The following ITPR2 variants were observed in gnomAD, a reference collection of about 807,000 sequenced individuals.
ITPR2 encodes inositol 1,4,5-trisphosphate receptor type 2.
A neutral mutation model predicts 317.1 loss-of-function variants in ITPR2; 207 were observed. The ratio of observed to expected loss-of-function variants is 0.65; its 90% CI spans 0.58 to 0.73. The LOEUF (loss-of-function observed/expected upper bound fraction) is 0.73. Among genes scored for constraint, ITPR2 ranks in the 30% least tolerant of loss-of-function variants. The probability of loss-of-function intolerance (pLI) is 0.00; values close to 1 mark genes in which losing one functional copy is unlikely to be tolerated. For missense variants in ITPR2, 2,613 were observed against 3,284.0 expected (o/e 0.80, Z 4.99); for synonymous variants, 1,156 against 1,149.1 (o/e 1.01, Z -0.12).
intron 2 of ITPR2, among the ~76,000 whole-genome samples, chr12:26,786,449 T>TTAAAAAAAAAAAAA (rs60115178): frequency 8.4e-6 from 1 of 119,242 alleles, no homozygotes; most frequent in African/African-American, 3.7e-5. Flanking sequence ...GAATGATCAA[T>TTAAAAAAAAAAAAA]AAAAAAAAAA....
At chr12:26,420,699 T>C (rs2136688459) in intron 49 of ITPR2, among the ~76,000 whole-genome samples, 1 of 152,288 alleles carries the variant, frequency 6.6e-6, no homozygotes, top group Middle Eastern at 3.4e-3. Context: ...TATTATTAAG[T>C]ATAGCTGTAG....
chr12:26,785,699 A>G (rs1592130263), intron 2 of ITPR2, among the ~76,000 whole-genome samples: 1 of 24,084 alleles, frequency 4.2e-5, no homozygotes, highest in African/African-American at 1.2e-4. Context: ...TCCGGGAGGG[A>G]GGTGGGGGGA....
Position 26,722,534 on chromosome 12 carries a change from T to A in ITPR2, c.388A>T (p.Lys130Ter), listed in dbSNP as rs1948855386. The change falls in exon 5 of 57, where the codon AAA (lysine) becomes TAA (stop). Residue 130 changes from lysine to a stop codon, truncating the protein, a stop_gained. Coordinates refer to ENST00000381340, the MANE Select transcript of ITPR2 (RefSeq NM_002223.4). LOFTEE classifies it high-confidence loss of function. ...AATCTCTTGTTGACAGTAAGATATT[T>A]GTTGCTTTTTATATGCAGTAGCTAT... ...VIQLLHIKSN[K>*]YLTVNKRLPA... The A allele has an allele frequency of 5.0e-6, 8 of 1,612,564 alleles. No homozygotes were observed. The highest frequency in any genetic ancestry group is 6.8e-6 in the Non-Finnish European group (8 of 1,179,008).
intron 36 of ITPR2, among the ~76,000 whole-genome samples, chr12:26,552,314 G>C (rs561935617): frequency 9.9e-5 from 15 of 152,186 alleles, no homozygotes; most frequent in Admixed American, 9.8e-4. Context: ...TCAGCCTCCT[G>C]AGTAGCTGGG....
At chr12:26,438,822 A>G (rs1168813881) in intron 47 of ITPR2, among the ~76,000 whole-genome samples, 2 of 152,192 alleles carry the variant, frequency 1.3e-5, no homozygotes, top group Non-Finnish European at 2.9e-5. Flanking sequence ...CGGACTTCAA[A>G]CCTGTGGCTG....
At chr12:26,432,064 G>C (rs1941225437) in intron 48 of ITPR2, among the ~76,000 whole-genome samples, 1 of 151,904 alleles carries the variant, frequency 6.6e-6, no homozygotes, top group Non-Finnish European at 1.5e-5. Context: ...CCTTTACCTA[G>C]ATTCCCCAAA....
At chr12:26,718,408 C>T (rs1396907056) in intron 5 of ITPR2, among the ~76,000 whole-genome samples, 1 of 151,952 alleles carries the variant, frequency 6.6e-6, no homozygotes, top group Non-Finnish European at 1.5e-5. Flanking sequence ...TTTGGTTGCA[C>T]CTACATTCGC....
At chr12:26,817,285 G>A (rs535856461) in intron 1 of ITPR2, among the ~76,000 whole-genome samples, 2 of 151,968 alleles carry the variant, frequency 1.3e-5, no homozygotes, top group African/African-American at 4.8e-5. Flanking sequence ...TGAAAAGCCT[G>A]CGATAATGCT....
chr12:26,533,313 A>T (rs1356256412), intron 37 of ITPR2, among the ~76,000 whole-genome samples: 3 of 152,220 alleles, frequency 2.0e-5, no homozygotes, highest in Non-Finnish European at 1.5e-5. Flanking sequence ...AAACAAGAGA[A>T]AAACCTCTTT....
chr12:26,495,369 A>G (rs1220136326), intron 37 of ITPR2, 109 bp from the exon 38 acceptor site: 1 of 585,338 alleles, frequency 1.7e-6, no homozygotes. Flanking sequence ...TGAGGCATGG[A>G]AAAATTAACT....
chr12:26,810,310 T>A (rs549716887), intron 1 of ITPR2, among the ~76,000 whole-genome samples: 2 of 152,312 alleles, frequency 1.3e-5, no homozygotes, highest in East Asian at 3.9e-4. Context: ...TTTCATAGTG[T>A]CCTATATTTC....
At chr12:26,571,072 T>C (rs1591914742) in intron 34 of ITPR2, among the ~76,000 whole-genome samples, 1 of 152,208 alleles carries the variant, frequency 6.6e-6, no homozygotes, top group African/African-American at 2.4e-5. Context: ...AGCTTGTATC[T>C]TCTTATCAAT....
intron 46 of ITPR2, among the ~76,000 whole-genome samples, chr12:26,440,251 G>A (rs1176824447): frequency 2.0e-5 from 3 of 152,128 alleles, no homozygotes; most frequent in East Asian, 1.9e-4. Flanking sequence ...CCAAATACAC[G>A]AAAACAAAAG....
At chr12:26,490,198 G>A (rs569313094) in intron 39 of ITPR2, among the ~76,000 whole-genome samples, 25 of 152,294 alleles carry the variant, frequency 1.6e-4, no homozygotes, top group African/African-American at 6.0e-4. Flanking sequence ...AATTCAATTG[G>A]AGAGGCAGGG....
intron 2 of ITPR2, among the ~76,000 whole-genome samples, chr12:26,727,488 A>G (rs1592075047): frequency 6.6e-6 from 1 of 152,340 alleles, no homozygotes; most frequent in East Asian, 1.9e-4. Context: ...TCAATTGGAA[A>G]TGATCCTTTA....
At chr12:26,428,542 T>G (rs578035177) in intron 48 of ITPR2, among the ~76,000 whole-genome samples, 1 of 152,272 alleles carries the variant, frequency 6.6e-6, no homozygotes, top group South Asian at 2.1e-4. Context: ...AAGAATCTAG[T>G]AGAATAACCT....
intron 21 of ITPR2, among the ~76,000 whole-genome samples, chr12:26,650,746 GCA>G (rs981495698): frequency 1.3e-5 from 2 of 152,180 alleles, no homozygotes; most frequent in Non-Finnish European, 2.9e-5. Flanking sequence ...AGCATAACAA[GCA>G]GCTTTAGTAT....
intron 2 of ITPR2, among the ~76,000 whole-genome samples, chr12:26,756,329 G>C (rs970246987): frequency 2.6e-5 from 4 of 152,130 alleles, no homozygotes; most frequent in Non-Finnish European, 5.9e-5. Context: ...AAACAAAATG[G>C]ATGGGTAATG....
intron 2 of ITPR2, among the ~76,000 whole-genome samples, chr12:26,752,843 T>C (rs1208631780): frequency 2.0e-5 from 3 of 152,108 alleles, no homozygotes; most frequent in Non-Finnish European, 4.4e-5. Context: ...ACCCAAAAGC[T>C]AACTTTAGGG....
Sources: allele counts gnomAD v4.1 joint callset (sites outside exome capture counted in the v4.1 genomes callset), GRCh38; gene constraint gnomAD v4.1.1; transcripts MANE v1.5; gene names NCBI Gene and HGNC (gene_info 2026-07-23, HGNC 2026-07-21).